UQCRH: variants seen among roughly 807,000 people sequenced by gnomAD.
UQCRH encodes cytochrome b-c1 complex subunit 6, mitochondrial.
UQCRH carries 14 observed loss-of-function variants against 16.3 expected under a neutral mutation model. The observed-to-expected ratio is 0.86, with a 90% confidence interval of 0.57 to 1.34. UQCRH has a LOEUF of 1.34. Ranked by LOEUF, UQCRH falls within the 40% of genes most tolerant of loss-of-function variation. The probability of loss-of-function intolerance (pLI) is 0.00; values close to 1 mark genes in which losing one functional copy is unlikely to be tolerated. For synonymous variants in UQCRH, 41 were observed against 41.9 expected (o/e 0.98, Z 0.08); for missense variants, 89 against 111.9 (o/e 0.80, Z 0.92).
intron 3 of UQCRH, 138 bp from the exon 4 acceptor site, chr1:46,316,414 A>T (rs974328386): frequency 9.1e-7 from 1 of 1,095,078 alleles, no homozygotes; most frequent in African/African-American, 1.6e-5. Context: ...GGAGTTCACT[A>T]GGACTCAAGT....
intron 1 of UQCRH, among the ~76,000 whole-genome samples, chr1:46,306,044 G>A (rs951205299): frequency 6.6e-6 from 1 of 152,026 alleles, no homozygotes; most frequent in African/African-American, 2.4e-5. Context: ...CGCCCTCCTC[G>A]GCCTCCCAAA....
intron 3 of UQCRH, among the ~76,000 whole-genome samples, chr1:46,314,708 C>T (rs1284435124): frequency 2.0e-5 from 3 of 151,290 alleles, no homozygotes; most frequent in African/African-American, 4.9e-5. Context: ...AACTCTGACA[C>T]GTGCTGCAAC....
At chr1:46,309,709 T>G in intron 2 of UQCRH, 1 of 277,464 alleles carries the variant, frequency 3.6e-6, no homozygotes, top group Non-Finnish European at 6.0e-6. Flanking sequence ...GAACCTTTGT[T>G]AGATAGTCCT....
chr1:46,311,457 G>A (rs1661473613), intron 3 of UQCRH, among the ~76,000 whole-genome samples: 1 of 148,436 alleles, frequency 6.7e-6, no homozygotes, highest in Non-Finnish European at 1.5e-5. Flanking sequence ...GGCGCCTGTA[G>A]CCCCCAGCTA....
At chr1:46,304,477 C>T (rs1661324789) in intron 1 of UQCRH, among the ~76,000 whole-genome samples, 1 of 151,742 alleles carries the variant, frequency 6.6e-6, no homozygotes, top group African/African-American at 2.4e-5. Context: ...CCTCCGCCTC[C>T]TGGGTTCAAG....
chr1:46,314,529 C>T (rs549843371), intron 3 of UQCRH, among the ~76,000 whole-genome samples: 31 of 151,838 alleles, frequency 2.0e-4, no homozygotes, highest in Admixed American at 1.6e-3. Context: ...AAATTGGCTG[C>T]GCATGGTGGT....
In UQCRH at chr1:46,303,879, G is replaced by T. The variant is rs374562229; in HGVS notation, c.54+59G>T. 1.0e-4 allele frequency: 162 copies of T among 1,609,768 alleles called. No homozygotes were observed. In the African/African-American group the frequency reaches 1.7e-3, roughly 17 times the overall value. The stretch of plus-strand genomic sequence containing the variant: ...TGCCCTGAAGCCCAGGACCTAGCCC[G>T]CCAAAACACGCACGGGGCCCTCTTA... On this transcript the variant is annotated intron_variant, in intron 1 of 3. Transcript: ENST00000311672.
intron 1 of UQCRH, among the ~76,000 whole-genome samples, chr1:46,304,840 C>G (rs1020555364): frequency 6.6e-6 from 1 of 152,174 alleles, no homozygotes; most frequent in Admixed American, 6.5e-5. Flanking sequence ...GGCCAAGCAG[C>G]GCGGTTCTAG....
chr1:46,310,996 A>T (rs939336987), intron 3 of UQCRH, among the ~76,000 whole-genome samples: 15 of 150,964 alleles, frequency 9.9e-5, no homozygotes, highest in African/African-American at 3.4e-4. Flanking sequence ...GAACCCGGGG[A>T]AGCGGAGCTT....
At chr1:46,314,689 AAGG>A (rs1177915529) in intron 3 of UQCRH, among the ~76,000 whole-genome samples, 1 of 151,964 alleles carries the variant, frequency 6.6e-6, no homozygotes, top group Non-Finnish European at 1.5e-5. Context: ...AAAAAAAAAA[AAGG>A]AGGGAAACTC....
At chr1:46,306,364 T>A (rs1012038753) in intron 1 of UQCRH, among the ~76,000 whole-genome samples, 2 of 150,818 alleles carry the variant, frequency 1.3e-5, no homozygotes, top group African/African-American at 4.9e-5. Context: ...TTAGTTTTTT[T>A]GGGAAAACTT....
At chr1:46,309,804 G>A (rs758238344) in intron 2 of UQCRH, 11 of 1,169,234 alleles carry the variant, frequency 9.4e-6, no homozygotes, top group Non-Finnish European at 1.2e-5. Context: ...AGTTTCAGAC[G>A]TGTCATATTC....
intron 3 of UQCRH, among the ~76,000 whole-genome samples, chr1:46,310,855 C>T (rs891380490): frequency 6.6e-6 from 1 of 151,598 alleles, no homozygotes; most frequent in African/African-American, 2.4e-5. Flanking sequence ...ATCATGAGGT[C>T]AGGAGATCGA....
intron 3 of UQCRH, among the ~76,000 whole-genome samples, chr1:46,312,393 C>A: frequency 6.6e-6 from 1 of 152,084 alleles, no homozygotes. Flanking sequence ...GCGTGAGCCA[C>A]CGCACCTGGC....
intron 3 of UQCRH, among the ~76,000 whole-genome samples, chr1:46,315,027 C>T (rs368054085): frequency 6.6e-6 from 1 of 152,028 alleles, no homozygotes; most frequent in East Asian, 1.9e-4. Context: ...TAAAGTGGGG[C>T]CTTGTGCGGT....
chr1:46,305,288 G>C (rs1366320449), intron 1 of UQCRH, among the ~76,000 whole-genome samples: 1 of 110,530 alleles, frequency 9.0e-6, no homozygotes, highest in Non-Finnish European at 1.7e-5. Flanking sequence ...ACCCGAGTGA[G>C]ACCCTGTCTC....
Position 46,316,651 on chromosome 1 carries a change from A to G in UQCRH, c.*67A>G. On this transcript the variant is annotated 3_prime_UTR_variant, in exon 4 of 4. Coordinates refer to ENST00000311672, the MANE Select transcript of UQCRH (RefSeq NM_006004.4). Reference sequence around the variant, plus strand: ...TCAGAATATTTCCTTATGGTTTTGGATGTACCATTTGTTTCTTATTTGTGT... The same window carrying G: ...TCAGAATATTTCCTTATGGTTTTGGGTGTACCATTTGTTTCTTATTTGTGT... The G allele has an allele frequency of 2.5e-6, 4 of 1,602,464 alleles. No individual in the cohort carries two copies. The South Asian group carries it at 3.4e-5, about 13-fold the overall frequency.
In UQCRH at chr1:46,309,446, C is replaced by T. The variant is rs1661427649; in HGVS notation, c.81+319C>T. The T allele has an allele frequency of 9.9e-6, 3 of 301,720 alleles. No individual in the cohort carries two copies. In the South Asian group the frequency reaches 2.1e-4, roughly 21 times the overall value. 18.7% of individuals were successfully genotyped at this position (301,720 alleles called of 1,614,324 possible). ...GTGGCTCGTGCCTGTAATCTCAGCA[C>T]TTTGGGAGGCCAAGGCAGGCGGATT... On this transcript the variant is annotated intron_variant, in intron 2 of 3. Transcript: ENST00000311672.
chr1:46,308,620 T>C (rs927194746), intron 1 of UQCRH, among the ~76,000 whole-genome samples: 14 of 152,172 alleles, frequency 9.2e-5, no homozygotes, highest in Admixed American at 3.9e-4. Flanking sequence ...GAGGATTGAT[T>C]GAGCCCAGGA....
Sources: allele counts gnomAD v4.1 joint callset (sites outside exome capture counted in the v4.1 genomes callset), GRCh38; gene constraint gnomAD v4.1.1; transcripts MANE v1.5; gene names NCBI Gene and HGNC (gene_info 2026-07-23, HGNC 2026-07-21).